Variants in SEMA6A observed in about 807,000 individuals in gnomAD.
SEMA6A encodes the protein semaphorin 6A.
SEMA6A carries 25 observed loss-of-function variants against 96.8 expected under a neutral mutation model. The ratio of observed to expected loss-of-function variants is 0.26; its 90% CI spans 0.19 to 0.36. The LOEUF is 0.36. Ranked by LOEUF, SEMA6A falls within the 10% of genes least tolerant of loss-of-function variation. The pLI, the probability that SEMA6A is intolerant of heterozygous loss-of-function variation, is 1.00. For synonymous variants in SEMA6A, 612 were observed against 518.0 expected (o/e 1.18, Z -2.46); for missense variants, 1,363 against 1,323.1 (o/e 1.03, Z -0.47).
intron 1 of SEMA6A, among the ~76,000 whole-genome samples, chr5:116,535,180 C>A (rs1355699265): frequency 6.6e-6 from 1 of 152,108 alleles, no homozygotes; most frequent in Admixed American, 6.6e-5. Context: ...AGCACAAAAG[C>A]CTGGAAGGAG....
intron 1 of SEMA6A, among the ~76,000 whole-genome samples, chr5:116,522,389 G>A (rs560169714): frequency 3.2e-4 from 48 of 152,244 alleles, no homozygotes; most frequent in Non-Finnish European, 5.3e-4. Context: ...CCAGGATCCC[G>A]TCTCTTCGCA....
At chr5:116,447,943 G>C in intron 18 of SEMA6A, 132 bp from the exon 19 acceptor site, 1 of 747,720 alleles carries the variant, frequency 1.3e-6, no homozygotes, top group East Asian at 2.7e-5. Context: ...TGTCTTCCAA[G>C]CTCAGCTTGC....
chr5:116,509,394 A>C (rs1234687585), intron 1 of SEMA6A, among the ~76,000 whole-genome samples: 1 of 152,226 alleles, frequency 6.6e-6, no homozygotes, highest in Non-Finnish European at 1.5e-5. Flanking sequence ...TGAAGTTTTA[A>C]AGATAACCAA....
intron 1 of SEMA6A, among the ~76,000 whole-genome samples, chr5:116,527,499 A>T (rs914610141): frequency 1.3e-5 from 2 of 152,196 alleles, no homozygotes; most frequent in African/African-American, 4.8e-5. Context: ...ATGATCTTTT[A>T]TACCCAATAA....
At chr5:116,513,745 C>G (rs1239068723) in intron 1 of SEMA6A, among the ~76,000 whole-genome samples, 1 of 152,034 alleles carries the variant, frequency 6.6e-6, no homozygotes, top group East Asian at 1.9e-4. Context: ...AGCCCAGCAT[C>G]CACGAGCTAT....
rs369435715 is a variant in SEMA6A, at chr5:116,480,227, T to A, written c.1145A>T (p.Asn382Ile). The part of the protein sequence containing the change: ...SSSLERYATS[N>I]EFPDDTLNFI... ...GTTCAGGGTATCATCAGGGAACTCA[T>A]TGGAGGTTGCATATCTTTCTAAGGA... The change falls in exon 12 of 19, where the codon AAT becomes ATT. Residue 382 changes from asparagine to isoleucine, a missense_variant. Physicochemically the swap from Asn to Ile is moderately radical, Grantham distance 149. Around this residue, in one of 2 missense-constraint regions of SEMA6A, gnomAD observed 480 missense variants for 559.5 expected, o/e 0.86. Transcript: ENST00000343348. The A allele has an allele frequency of 6.2e-7, 1 of 1,613,852 alleles. No individual in the cohort carries two copies. The highest frequency in any genetic ancestry group is 8.5e-7 in the Non-Finnish European group (1 of 1,179,786).
chr5:116,561,152 T>C (rs1760804698), intron 1 of SEMA6A, among the ~76,000 whole-genome samples: 1 of 152,200 alleles, frequency 6.6e-6, no homozygotes, highest in South Asian at 2.1e-4. Context: ...AAATTGGGCA[T>C]AATAATACCT....
chr5:116,538,318 A>G (rs1391875770), intron 1 of SEMA6A, among the ~76,000 whole-genome samples: 1 of 152,168 alleles, frequency 6.6e-6, no homozygotes, highest in Non-Finnish European at 1.5e-5. Flanking sequence ...GTATTTGTTG[A>G]TCCTTTAAAA....
At chr5:116,487,805 A>G (rs1757133464) in intron 9 of SEMA6A, among the ~76,000 whole-genome samples, 2 of 152,242 alleles carry the variant, frequency 1.3e-5, no homozygotes, top group Admixed American at 1.3e-4. Context: ...TAGAGGTTGC[A>G]GAGAGCCGAG....
intron 18 of SEMA6A, among the ~76,000 whole-genome samples, chr5:116,455,679 T>C (rs1754967087): frequency 6.6e-6 from 1 of 152,204 alleles, no homozygotes; most frequent in African/African-American, 2.4e-5. Context: ...AAAACAGATA[T>C]GAAGAAACAG....
At chr5:116,551,317 T>TACACGCATACACAC (rs141255034) in intron 1 of SEMA6A, among the ~76,000 whole-genome samples, 78 of 142,526 alleles carry the variant, frequency 5.5e-4, no homozygotes, top group Admixed American at 1.2e-3. Context: ...AGTCTTAGCA[T>TACACGCATACACAC]ACACACACAC....
intron 3 of SEMA6A, among the ~76,000 whole-genome samples, chr5:116,500,379 A>G (rs1253606434): frequency 1.3e-5 from 2 of 152,190 alleles, no homozygotes; most frequent in East Asian, 3.8e-4. Context: ...CTCCTATAAG[A>G]CATGGGAATA....
intron 1 of SEMA6A, among the ~76,000 whole-genome samples, chr5:116,566,478 C>T (rs1005511214): frequency 1.3e-5 from 2 of 152,112 alleles, no homozygotes; most frequent in Non-Finnish European, 2.9e-5. Context: ...AACTTCGGTC[C>T]TTGCAGCATG....
chr5:116,504,893 C>T lies in SEMA6A; in HGVS notation c.52G>A (p.Ala18Thr), dbSNP rs889614396. 9.3e-6 allele frequency: 15 copies of T among 1,604,536 alleles called. No homozygotes were observed. Among genetic ancestry groups the T allele is most frequent in the Non-Finnish European group, 1.3e-5 (15 of 1,175,558 alleles). ...LYFTLLHFAG[A>T]GFPEDSEPIS... ...GGCTCAGAATCTTCTGGGAAACCAG[C>T]CCCAGCAAAGTGTAGCAGTGTGAAA... Residue 18 changes from alanine (A) to threonine (T), a missense_variant, in exon 2 of 19, where the codon GCT becomes ACT. Physicochemically the swap from Ala to Thr is moderately conservative, Grantham distance 58. Transcript: ENST00000343348.
At chr5:116,510,311 C>A (rs1050082104) in intron 1 of SEMA6A, among the ~76,000 whole-genome samples, 1 of 152,110 alleles carries the variant, frequency 6.6e-6, no homozygotes, top group African/African-American at 2.4e-5. Flanking sequence ...TGGACCTCAT[C>A]ATCTTTGTCT....
At chr5:116,571,173 G>A (rs1761197758) in intron 1 of SEMA6A, among the ~76,000 whole-genome samples, 1 of 152,094 alleles carries the variant, frequency 6.6e-6, no homozygotes, top group African/African-American at 2.4e-5. Context: ...CATGAACCAT[G>A]TGTGACTATT....
At chr5:116,475,677 CA>C in intron 15 of SEMA6A, 74 bp from the exon 16 acceptor site, 1 of 1,061,826 alleles carries the variant, frequency 9.4e-7, no homozygotes, top group Admixed American at 2.1e-5. Context: ...AGTCAAGCTT[CA>C]CTAAAGACAG....
intron 6 of SEMA6A, among the ~76,000 whole-genome samples, chr5:116,492,037 C>T (rs1032948436): frequency 6.6e-6 from 1 of 152,094 alleles, no homozygotes; most frequent in African/African-American, 2.4e-5. Context: ...ATGGTCAAAT[C>T]AGACATTCTT....
At chr5:116,500,560 C>T (rs1757826880) in intron 3 of SEMA6A, among the ~76,000 whole-genome samples, 1 of 152,032 alleles carries the variant, frequency 6.6e-6, no homozygotes, top group African/African-American at 2.4e-5. Flanking sequence ...CTTCCTGTAG[C>T]CAAGTTAGGG....
Sources: allele counts gnomAD v4.1 joint callset (sites outside exome capture counted in the v4.1 genomes callset), GRCh38; gene constraint gnomAD v4.1.1; regional missense constraint gnomAD v4.1.1; transcripts MANE v1.5; gene names NCBI Gene and HGNC (gene_info 2026-07-23, HGNC 2026-07-21).